The following LIPA variants were observed in gnomAD, a reference collection of about 807,000 sequenced individuals.
The protein encoded by LIPA is lysosomal acid lipase/cholesteryl ester hydrolase.
Under a neutral mutation model 40.6 loss-of-function variants are expected in LIPA, and 26 were observed. The ratio of observed to expected loss-of-function variants is 0.64; its 90% CI spans 0.47 to 0.89. The LOEUF is 0.89. Ranked by LOEUF, LIPA falls within the 40% of genes least tolerant of loss-of-function variation. The pLI is 0.00. For missense variants in LIPA, 455 were observed against 479.6 expected, an observed-to-expected ratio of 0.95 and a Z score of 0.48; for synonymous variants, 188 against 168.4, an observed-to-expected ratio of 1.12 and a Z score of -0.90.
At chr10:89,380,488 T>A (rs2133602511) in intron 2 of LIPA, among the ~76,000 whole-genome samples, 1 of 150,662 alleles carries the variant, frequency 6.6e-6, no homozygotes, top group South Asian at 2.1e-4. Context: ...CAGTCTGGAG[T>A]GCAGTGGCAT....
At chr10:89,384,711 G>A in intron 2 of LIPA, 1 of 1,613,580 alleles carries the variant, frequency 6.2e-7, no homozygotes, top group East Asian at 2.2e-5. Context: ...CTCTGAGGCT[G>A]GCTGCTGACC....
chr10:89,400,608 T>C (rs919721435), intron 2 of LIPA, among the ~76,000 whole-genome samples: 5 of 152,236 alleles, frequency 3.3e-5, no homozygotes, highest in African/African-American at 1.2e-4. Flanking sequence ...ATATGACTGA[T>C]TTTTCATGTA....
intron 3 of LIPA, among the ~76,000 whole-genome samples, chr10:89,245,301 C>T (rs1466771185): frequency 6.6e-6 from 1 of 152,032 alleles, no homozygotes; most frequent in Non-Finnish European, 1.5e-5. Flanking sequence ...AGAAGGGAGG[C>T]ATTTCACTGT....
rs2133436821 is a variant in LIPA at position 89,228,382 on chromosome 10, G to A, written c.246C>T (p.Val82=). ...CTGCCAGCAAGCCATGTTGCAGGAA[G>A]ACAACTGGTTTGGGACCTGAAAAAC... is the stretch of plus-strand genomic sequence containing the variant. ...NHSDKGPKPV[V]FLQHGLLADS... The change falls in exon 4 of 10, where the codon GTC becomes GTT. Residue 82 remains valine, a synonymous_variant. Coordinates refer to ENST00000336233, the MANE Select transcript of LIPA (RefSeq NM_000235.4). 22 of 1,614,218 alleles carry A rather than the reference G, an allele frequency of 1.4e-5. No homozygotes were observed. The highest frequency in any genetic ancestry group is 1.8e-5 in the Non-Finnish European group (21 of 1,180,030).
intron 2 of LIPA, among the ~76,000 whole-genome samples, chr10:89,385,392 A>G (rs1275128473): frequency 6.6e-6 from 1 of 152,154 alleles, no homozygotes; most frequent in Non-Finnish European, 1.5e-5. Flanking sequence ...TCCACAACAC[A>G]TCCCTGCATT....
chr10:89,397,559 A>G (rs1844362532), intron 2 of LIPA, among the ~76,000 whole-genome samples: 1 of 152,116 alleles, frequency 6.6e-6, no homozygotes, highest in Non-Finnish European at 1.5e-5. Context: ...TTCTTTTTAT[A>G]GAGACAGGGT....
rs1564767178 is a variant in LIPA at position 89,250,098 on chromosome 10, C to CTTTCTTTTTTTTT, written c.-2+1638_-2+1639insAAAAAAAAAGAAA. On this transcript the variant is annotated intron_variant, in intron 1 of 9. Transcript: ENST00000336233. ...TCTTTTTTCTTTTTCTTTTTCTTTTCTTTTCTTTCTTTTTTTTTTTTGAGA... is the reference window on the plus strand; with the variant it reads ...TCTTTTTTCTTTTTCTTTTTCTTTTCTTTCTTTTTTTTTTTTTCTTTCTTTTTTTTTTTTGAGA... 3.7e-3 allele frequency among the ~76,000 whole-genome samples: 374 copies of CTTTCTTTTTTTTT among 101,294 alleles called. 3 individuals are homozygous for CTTTCTTTTTTTTT. The highest frequency in any genetic ancestry group is 6.1e-3 in the Middle Eastern group (1 of 164). 66.5% of individuals were successfully genotyped at this position (101,294 alleles called of 152,430 possible). A position where few individuals can be genotyped will look rare whatever the true frequency, so the allele number is the denominator to read the frequency against.
rs4934472 is a variant in LIPA, at chr10:89,314,440, C to A, written c.-2+28171G>T. ...ATCCCAACACTTTGGGAGGCCAAGG[C>A]GGGTGGATCACGAGGTTTAGAGATC... On this transcript the variant is annotated intron_variant, in intron 1 of 5. Transcript: ENST00000282673. The A allele has an allele frequency of 2.2e-4, 33 of 152,282 alleles. 1 individual carries two copies. Among genetic ancestry groups the A allele is most frequent in the African/African-American group, 7.5e-4 (31 of 41,564 alleles). The allele number at this position is 152,282 out of a possible 1,614,324, so 9.4% of individuals were successfully genotyped here.
intron 5 of LIPA, 114 bp from the exon 6 acceptor site, chr10:89,225,342 A>C: frequency 7.9e-7 from 1 of 1,266,716 alleles, no homozygotes; most frequent in Non-Finnish European, 1.1e-6. Context: ...ACCCACGCAA[A>C]CAATACCACC....
intron 3 of LIPA, among the ~76,000 whole-genome samples, chr10:89,238,279 G>A (rs1172521726): frequency 6.6e-6 from 1 of 152,140 alleles, no homozygotes; most frequent in Non-Finnish European, 1.5e-5. Flanking sequence ...TGATGGAGAC[G>A]AGTGCTTCTA....
chr10:89,371,319 C>T (rs992029086), intron 2 of LIPA, among the ~76,000 whole-genome samples: 6 of 152,196 alleles, frequency 3.9e-5, no homozygotes, highest in Non-Finnish European at 8.8e-5. Context: ...GGCCTGCTTA[C>T]AGATGGAGAA....
At chr10:89,239,725 A>T (rs1434914973) in intron 3 of LIPA, among the ~76,000 whole-genome samples, 2 of 152,206 alleles carry the variant, frequency 1.3e-5, no homozygotes, top group African/African-American at 4.8e-5. Context: ...GTTCCAGGAC[A>T]TTATCATAAT....
chr10:89,312,088 T>G (rs1843519638), intron 1 of LIPA, among the ~76,000 whole-genome samples: 1 of 152,188 alleles, frequency 6.6e-6, no homozygotes, highest in African/African-American at 2.4e-5. Context: ...GAGATGACTT[T>G]GCGTCTCTGT....
chr10:89,247,716 A>T, intron 1 of LIPA, 67 bp from the exon 2 acceptor site: 1 of 1,112,610 alleles, frequency 9.0e-7, no homozygotes, highest in Non-Finnish European at 1.4e-6. Context: ...CTGGTAACTT[A>T]ATGCTCCCAC....
chr10:89,355,046 G>A (rs1368691207), intron 2 of LIPA, among the ~76,000 whole-genome samples: 1 of 152,144 alleles, frequency 6.6e-6, no homozygotes, highest in African/African-American at 2.4e-5. Flanking sequence ...TATCAGACAT[G>A]CAAAAAACCT....
At chr10:89,295,010 G>GGAAAT (rs1270843707) in intron 1 of LIPA, among the ~76,000 whole-genome samples, 6,000 of 120,038 alleles carry the variant, frequency 0.05, 245 homozygotes, top group Non-Finnish European at 0.07. Flanking sequence ...AGAAAGGAAA[G>GGAAAT]GAAATGAAAT....
chr10:89,348,390 C>CT (rs1372592039), intron 2 of LIPA, among the ~76,000 whole-genome samples: 1 of 152,198 alleles, frequency 6.6e-6, no homozygotes, highest in African/African-American at 2.4e-5. Context: ...TCACGCAGAT[C>CT]TTTCAACTGG....
intron 2 of LIPA, among the ~76,000 whole-genome samples, chr10:89,349,729 C>G (rs1813847686): frequency 6.6e-6 from 1 of 152,200 alleles, no homozygotes. Context: ...CTCCAACTTA[C>G]AGCTTTCAAC....
In LIPA at chr10:89,402,297, C is replaced by G. The variant is rs758777417; in HGVS notation, c.61+10494G>C. 5.0e-6 allele frequency: 8 copies of G among 1,608,802 alleles called. No individual in the cohort carries two copies. In the South Asian group the frequency reaches 5.5e-5, roughly 11 times the overall value. On this transcript the variant is annotated intron_variant, in intron 2 of 8. Coordinates refer to the LIPA transcript ENST00000371837. ...TTTTTACAGTACAAATGGTGATGAT[C>G]ATCAGGTCAAGGATAGTCTGGAGCA...
Sources: allele counts gnomAD v4.1 joint callset (sites outside exome capture counted in the v4.1 genomes callset), GRCh38; gene constraint gnomAD v4.1.1; transcripts MANE v1.5; gene names NCBI Gene and HGNC (gene_info 2026-07-23, HGNC 2026-07-21).